VCAN: variants seen among roughly 807,000 people sequenced by gnomAD.
The protein encoded by VCAN is versican.
Under a neutral mutation model 245.5 loss-of-function variants are expected in VCAN, and 44 were observed. That is an observed-to-expected ratio of 0.18 (90% CI 0.14 to 0.23). The LOEUF (loss-of-function observed/expected upper bound fraction) is 0.23, where lower values mean the gene tolerates loss of function less well. Among genes scored for constraint, VCAN ranks in the 10% least tolerant of loss-of-function variants. VCAN has a pLI of 1.00. For missense variants in VCAN, 3,793 were observed against 4,057.9 expected (o/e 0.93, Z 1.77); for synonymous variants, 1,413 against 1,437.0 (o/e 0.98, Z 0.38).
Position 83,541,472 on chromosome 5 carries a change from G to A in VCAN, c.8469G>A (p.Gln2823=). The change falls in exon 8 of 15, where the codon CAG becomes CAA. Residue 2823 remains glutamine, a synonymous_variant. Transcript: ENST00000265077. ...AVSTFAKLSS[Q]TPSSPLTIYS... is the part of the protein sequence containing the mutation. ...CAACATTTGCGAAGTTGTCTTCTCAGACACCATCATCTCCCCTCACTATCT... is the reference window on the plus strand; with the variant it reads ...CAACATTTGCGAAGTTGTCTTCTCAAACACCATCATCTCCCCTCACTATCT... 1 of 1,614,008 alleles carries A rather than the reference G, an allele frequency of 6.2e-7. No homozygotes were observed. Among genetic ancestry groups the A allele is most frequent in the Non-Finnish European group, 8.5e-7 (1 of 1,180,002 alleles).
At chr5:83,530,045 C>T (rs752894783) in intron 7 of VCAN, among the ~76,000 whole-genome samples, 4 of 151,964 alleles carry the variant, frequency 2.6e-5, no homozygotes, top group Non-Finnish European at 4.4e-5. Context: ...AATCCGAACC[C>T]GACATAGGTT....
intron 7 of VCAN, among the ~76,000 whole-genome samples, chr5:83,523,705 C>T (rs973876113): frequency 6.6e-6 from 1 of 152,056 alleles, no homozygotes; most frequent in Non-Finnish European, 1.5e-5. Context: ...CTTCCCAATG[C>T]AGTTTAAAAA....
chr5:83,544,338 G>A (rs1003598726), intron 8 of VCAN, among the ~76,000 whole-genome samples: 14 of 152,108 alleles, frequency 9.2e-5, no homozygotes, highest in African/African-American at 2.9e-4. Context: ...CCCAAACATG[G>A]GAATGTGTAC....
intron 13 of VCAN, among the ~76,000 whole-genome samples, chr5:83,573,004 A>G (rs1042662766): frequency 6.6e-6 from 1 of 151,582 alleles, no homozygotes; most frequent in Admixed American, 6.6e-5. Flanking sequence ...GGTTCAAGCA[A>G]TTCTCCTGCC....
intron 13 of VCAN, among the ~76,000 whole-genome samples, chr5:83,579,301 G>A (rs1341652086): frequency 1.3e-5 from 2 of 152,058 alleles, no homozygotes; most frequent in African/African-American, 4.8e-5. Context: ...GTCTTGCTCT[G>A]TCACGAGGCT....
chr5:83,494,159 G>A (rs1745082144), intron 5 of VCAN, among the ~76,000 whole-genome samples: 1 of 152,168 alleles, frequency 6.6e-6, no homozygotes, highest in Admixed American at 6.5e-5. Flanking sequence ...GTTAATGGCA[G>A]GTTTTCTTAC....
Position 83,580,764 on chromosome 5 carries a change from G to A in VCAN, c.*330G>A. ...TAAAATGCTCAATTTCAGCACCGAT[G>A]GCCATGTAAATAAGATGATTTAATG... On this transcript the variant is annotated 3_prime_UTR_variant, in exon 15 of 15. Coordinates refer to ENST00000265077, the MANE Select transcript of VCAN (RefSeq NM_004385.5). The A allele has an allele frequency of 5.8e-6, 2 of 346,982 alleles. No homozygotes were observed. The highest frequency in any genetic ancestry group is 5.6e-6 in the Non-Finnish European group (1 of 178,814). The allele number at this position is 346,982 out of a possible 1,614,324, so 21.5% of individuals were successfully genotyped here. A position where few individuals can be genotyped will look rare whatever the true frequency, so the allele number is the denominator to read the frequency against.
Position 83,539,630 on chromosome 5 carries a change from T to C in VCAN, c.6627T>C (p.Thr2209=), listed in dbSNP as rs1746883191. 6.2e-7 allele frequency: 1 copy of C among 1,613,964 alleles called. No homozygotes were observed. The highest frequency in any genetic ancestry group is 1.3e-5 in the African/African-American group (1 of 74,940). Residue 2209 remains threonine, a synonymous_variant, in exon 8 of 15, where the codon ACT becomes ACC. Transcript: ENST00000265077. ...AAAAGTCACATTTTTTCTTAGCTAC[T>C]GCATTAGTAACTGAATCTATACCAG... ...ATEKSHFFLA[T]ALVTESIPAE...
intron 7 of VCAN, among the ~76,000 whole-genome samples, chr5:83,530,326 C>G (rs568963089): frequency 6.6e-6 from 1 of 152,180 alleles, no homozygotes; most frequent in African/African-American, 2.4e-5. Context: ...ACATTCCCTG[C>G]TGTCTTTTTG....
At chr5:83,502,242 A>G (rs1386678225) in intron 5 of VCAN, among the ~76,000 whole-genome samples, 1 of 152,120 alleles carries the variant, frequency 6.6e-6, no homozygotes, top group African/African-American at 2.4e-5. Flanking sequence ...TACTTTACAT[A>G]AGTAGAACTG....
chr5:83,471,992 TC>T lies in VCAN; in HGVS notation c.-32del. 1 of 383,220 alleles carries T rather than the reference TC, an allele frequency of 2.6e-6. No homozygotes were observed. The highest frequency in any genetic ancestry group is 4.6e-6 in the Non-Finnish European group (1 of 217,022). The allele number at this position is 383,220 out of a possible 1,614,324, so 23.7% of individuals were successfully genotyped here. The stretch of plus-strand genomic sequence containing the variant: ...AGTCGCGCAGCGCTGCAGTGAATTT[TC>T]CCCCCAAACTGCAATAAGCCGCCTT... On this transcript the variant is annotated 5_prime_UTR_variant, in exon 1 of 15. Coordinates refer to ENST00000265077, the MANE Select transcript of VCAN (RefSeq NM_004385.5).
chr5:83,488,745 T>C (rs1744868223), intron 2 of VCAN, among the ~76,000 whole-genome samples: 1 of 152,226 alleles, frequency 6.6e-6, no homozygotes, highest in African/African-American at 2.4e-5. Context: ...TGTAGATTAA[T>C]AAAATAATAA....
chr5:83,527,103 A>G (rs186959579), intron 7 of VCAN, among the ~76,000 whole-genome samples: 177 of 152,338 alleles, frequency 1.2e-3, no homozygotes, highest in African/African-American at 4.1e-3. Flanking sequence ...CTGTCTGTCA[A>G]TTCCTGAAAG....
In VCAN at chr5:83,521,339, C is replaced by T. The variant is rs1746089612; in HGVS notation, c.3033C>T (p.Arg1011=). Reference sequence around the variant, plus strand: ...ACATACTTGTCATTGATCAGACTCGCCTTGAAGCGACTATTTCTCCAGAAA... The same window carrying T: ...ACATACTTGTCATTGATCAGACTCGTCTTGAAGCGACTATTTCTCCAGAAA... ...SQDILVIDQT[R]LEATISPETM... is the part of the protein sequence containing the mutation. Residue 1011 remains arginine, a synonymous_variant, in exon 7 of 15, where the codon CGC becomes CGT. Coordinates refer to ENST00000265077, the MANE Select transcript of VCAN (RefSeq NM_004385.5). The T allele has an allele frequency of 3.7e-6, 6 of 1,613,950 alleles. No individual in the cohort carries two copies. The highest frequency in any genetic ancestry group is 1.7e-5 in the Admixed American group (1 of 59,982).
intron 13 of VCAN, 22 bp from the exon 14 acceptor site, chr5:83,579,958 A>C (rs201998873): frequency 5.0e-6 from 8 of 1,613,096 alleles, no homozygotes; most frequent in Non-Finnish European, 6.8e-6. Context: ...ATTTGGAAAT[A>C]ACCCAATTTG....
At chr5:83,490,011 A>G (rs887327667) in intron 2 of VCAN, 87 bp from the exon 3 acceptor site, 2 of 1,449,652 alleles carry the variant, frequency 1.4e-6, no homozygotes, top group African/African-American at 2.8e-5. Flanking sequence ...CCAAACTATT[A>G]TAAAGGCTGC....
chr5:83,506,218 T>C (rs1037236842), intron 5 of VCAN, among the ~76,000 whole-genome samples: 7 of 152,192 alleles, frequency 4.6e-5, no homozygotes, highest in African/African-American at 1.7e-4. Context: ...CCGCAGAAAA[T>C]GGGTTTTCCT....
chr5:83,553,053 A>C (rs997047440), intron 10 of VCAN, among the ~76,000 whole-genome samples: 1 of 152,206 alleles, frequency 6.6e-6, no homozygotes. Context: ...CTTCACAAGT[A>C]AGTCAGCCAG....
chr5:83,519,399 C>A lies in VCAN; in HGVS notation c.1093C>A (p.Pro365Thr), dbSNP rs956336866. 5.6e-6 allele frequency: 9 copies of A among 1,613,936 alleles called. No individual in the cohort carries two copies. Among genetic ancestry groups the A allele is most frequent in the African/African-American group, 1.3e-5 (1 of 74,920 alleles). ...GAGTATCCTCGCAGAAACTGCATCA[C>A]CCAGTTTATCCAAAGAACCACAAAT... Reference protein sequence around the residue: ...DLSILAETASPSLSKEPQMVS... With the variant: ...DLSILAETASTSLSKEPQMVS... Residue 365 changes from proline (P) to threonine (T), a missense_variant, in exon 7 of 15, where the codon CCC (proline) becomes ACC (threonine). Physicochemically the swap from Pro to Thr is conservative, Grantham distance 38 (BLOSUM62 -1). This residue lies in a region of VCAN where 3,182 missense variants were observed against 3,250.3 expected (regional missense o/e 0.98). Transcript: ENST00000265077.
Sources: allele counts gnomAD v4.1 joint callset (sites outside exome capture counted in the v4.1 genomes callset), GRCh38; gene constraint gnomAD v4.1.1; regional missense constraint gnomAD v4.1.1; transcripts MANE v1.5; gene names NCBI Gene and HGNC (gene_info 2026-07-23, HGNC 2026-07-21).